The following AP1B1 variants were observed in gnomAD, a reference collection of about 807,000 sequenced individuals.
AP1B1 encodes adaptor related protein complex 1 subunit beta 1.
Under a neutral mutation model 104.3 loss-of-function variants are expected in AP1B1, and 36 were observed. That is an observed-to-expected ratio of 0.35 (90% CI 0.26 to 0.46). The LOEUF (loss-of-function observed/expected upper bound fraction) is 0.46, where lower values mean the gene tolerates loss of function less well. Among genes scored for constraint, AP1B1 ranks in the 20% least tolerant of loss-of-function variants. The pLI is 1.00. For synonymous variants in AP1B1, 504 were observed against 517.5 expected (o/e 0.97, Z 0.35); for missense variants, 901 against 1,247.9 (o/e 0.72, Z 4.19).
chr22:29,360,272 T>G (rs575734985), intron 3 of AP1B1, among the ~76,000 whole-genome samples: 25 of 152,210 alleles, frequency 1.6e-4, no homozygotes, highest in Admixed American at 5.9e-4. Flanking sequence ...GAAATTCCTT[T>G]GTCACCTGCC....
Position 29,351,190 on chromosome 22 carries a change from C to A in AP1B1, c.1136G>T (p.Arg379Leu). The stretch of plus-strand genomic sequence containing the variant: ...CCTCACCTCCACCTTGATGGCGCAG[C>A]GGCCAATAGCACGCACAGCCTTCCG... ...FVRKAVRAIG[R>L]CAIKVEQSAE... Residue 379 changes from arginine (R) to leucine (L), a missense_variant, in exon 9 of 23, where the codon CGC (arginine) becomes CTC (leucine). Coordinates refer to ENST00000357586, the MANE Select transcript of AP1B1 (RefSeq NM_001127.4). The A allele has an allele frequency of 6.2e-7, 1 of 1,612,584 alleles. No individual in the cohort carries two copies. The highest frequency in any genetic ancestry group is 8.5e-7 in the Non-Finnish European group (1 of 1,178,790).
intron 19 of AP1B1, 152 bp downstream of exon 19, chr22:29,331,297 C>T (rs927849003): frequency 1.4e-5 from 11 of 809,776 alleles, no homozygotes; most frequent in Admixed American, 9.6e-5. Flanking sequence ...TGGGTATACC[C>T]CTCACTCCAG....
intron 11 of AP1B1, among the ~76,000 whole-genome samples, chr22:29,342,978 C>T (rs2061736876): frequency 6.6e-6 from 1 of 152,224 alleles, no homozygotes; most frequent in East Asian, 1.9e-4. Context: ...CATGCTTCTG[C>T]AGCCTCTTCC....
chr22:29,344,909 T>C (rs1191037624), intron 11 of AP1B1, among the ~76,000 whole-genome samples: 1 of 152,098 alleles, frequency 6.6e-6, no homozygotes, highest in East Asian at 1.9e-4. Flanking sequence ...AGTTCCATAA[T>C]TGTCAAGCCC....
At chr22:29,332,497 G>A (rs1404654335) in intron 17 of AP1B1, among the ~76,000 whole-genome samples, 1 of 152,208 alleles carries the variant, frequency 6.6e-6, no homozygotes, top group Non-Finnish European at 1.5e-5. Flanking sequence ...TGTGAGACAC[G>A]CCAGCAGCAG....
intron 14 of AP1B1, among the ~76,000 whole-genome samples, chr22:29,340,399 G>C (rs1354211339): frequency 4.6e-5 from 7 of 152,152 alleles, no homozygotes; most frequent in Middle Eastern, 3.2e-3. Context: ...CCTGGGACTC[G>C]AAGGTTCAAC....
Position 29,340,745 on chromosome 22 carries a change from G to A in AP1B1, c.1909C>T (p.Leu637Phe). The change falls in exon 14 of 23, where the codon CTC (leucine) becomes TTC (phenylalanine). Residue 637 changes from leucine to phenylalanine, a missense_variant. Leu to Phe is a conservative substitution (Grantham distance 22). This residue lies in a region of AP1B1 where 424 missense variants were observed against 494.0 expected (regional missense o/e 0.86). Transcript: ENST00000357586. ...GGTGGGCCGCTCACTGGGGGGCCGAGGTCCAGGTTGAGGAGGTCACCCAGC... is the reference window on the plus strand; with the variant it reads ...GGTGGGCCGCTCACTGGGGGGCCGAAGTCCAGGTTGAGGAGGTCACCCAGC... Reference protein sequence around the residue: ...DLLGDLLNLDLGPPVSGPPLA... With the variant: ...DLLGDLLNLDFGPPVSGPPLA... 6.3e-7 allele frequency: 1 copy of A among 1,597,060 alleles called. No individual in the cohort carries two copies. The highest frequency in any genetic ancestry group is 8.5e-7 in the Non-Finnish European group (1 of 1,172,940).
At chr22:29,374,532 A>C (rs2062301994) in intron 1 of AP1B1, among the ~76,000 whole-genome samples, 1 of 150,376 alleles carries the variant, frequency 6.6e-6, no homozygotes, top group South Asian at 2.1e-4. Flanking sequence ...TAATGGTTCA[A>C]GCTTATTTCT....
rs1395999484 is a variant in AP1B1, at chr22:29,329,066, G to A, written c.2776-171C>T. ...AGGTAAAGCGGAGGGGGCGGCTGTC[G>A]CAGCCAGCCGGGTGTGGACCAAATA... On this transcript the variant is annotated intron_variant, in intron 22 of 22. Coordinates refer to ENST00000357586, the MANE Select transcript of AP1B1 (RefSeq NM_001127.4). 4.9e-6 allele frequency: 7 copies of A among 1,422,108 alleles called. No homozygotes were observed. The African/African-American group carries it at 5.8e-5, about 12-fold the overall frequency. 88.1% of individuals were successfully genotyped at this position (1,422,108 alleles called of 1,614,324 possible). A position where few individuals can be genotyped will look rare whatever the true frequency, so the allele number is the denominator to read the frequency against.
chr22:29,373,852 A>C (rs929962332), intron 1 of AP1B1, among the ~76,000 whole-genome samples: 5 of 150,754 alleles, frequency 3.3e-5, no homozygotes, highest in African/African-American at 1.2e-4. Flanking sequence ...CAGCAAGCTG[A>C]GGTGGCACCA....
Position 29,339,859 on chromosome 22 carries a change from A to G in AP1B1, c.1999-85T>C. ...AGGAAGGAAGACAGAGAAACAAGAG[A>G]GAGAAGGGAAAGAGGGAGATTAGTC... On this transcript the variant is annotated intron_variant, in intron 14 of 22. Coordinates refer to ENST00000357586, the MANE Select transcript of AP1B1 (RefSeq NM_001127.4). 3 of 1,425,212 alleles carry G rather than the reference A, an allele frequency of 2.1e-6. No individual in the cohort carries two copies. The South Asian group carries it at 3.7e-5, about 17-fold the overall frequency. 88.3% of individuals were successfully genotyped at this position (1,425,212 alleles called of 1,614,324 possible).
At chr22:29,329,513 C>G (rs2061525084) in intron 22 of AP1B1, 199 bp downstream of exon 22, 1 of 1,416,924 alleles carries the variant, frequency 7.1e-7, no homozygotes, top group African/African-American at 1.5e-5. Flanking sequence ...CTCCAGGTCT[C>G]CTAGGAAGGA....
intron 4 of AP1B1, 80 bp downstream of exon 4, chr22:29,359,744 A>G: frequency 6.5e-7 from 1 of 1,527,596 alleles, no homozygotes; most frequent in Non-Finnish European, 8.8e-7. Flanking sequence ...CCAGTGCCAC[A>G]GGGCCCCGCC....
intron 9 of AP1B1, among the ~76,000 whole-genome samples, chr22:29,350,774 C>T (rs575263434): frequency 1.3e-5 from 2 of 152,262 alleles, no homozygotes; most frequent in East Asian, 3.9e-4. Context: ...TCTAGAGTGG[C>T]CCTGGGACGC....
chr22:29,358,612 C>T (rs2148000878), intron 5 of AP1B1, 114 bp downstream of exon 5: 3 of 1,408,594 alleles, frequency 2.1e-6, no homozygotes, highest in Non-Finnish European at 2.9e-6. Flanking sequence ...CTGGCACCCC[C>T]AGCCAGGCTC....
At chr22:29,332,158 G>C in intron 17 of AP1B1, 2 of 439,318 alleles carry the variant, frequency 4.6e-6, no homozygotes, top group Non-Finnish European at 8.1e-6. Flanking sequence ...CCTGGCTGCA[G>C]GCCTGAAGCC....
chr22:29,368,460 G>C (rs1032692137), intron 1 of AP1B1, among the ~76,000 whole-genome samples: 24 of 152,178 alleles, frequency 1.6e-4, no homozygotes, highest in Admixed American at 1.5e-3. Flanking sequence ...AGATACCCTA[G>C]ATACATTTAT....
chr22:29,350,103 G>C lies in AP1B1; in HGVS notation c.1203C>G (p.Thr401=). The change falls in exon 10 of 23, where the codon ACC becomes ACG. Residue 401 remains threonine (T), a synonymous_variant. Transcript: ENST00000357586. ...CCTCCTGGACCACATAGTTGACCTT[G>C]GTCTGGATGAGGTCGAGCAGCGTGC... ...CVSTLLDLIQ[T]KVNYVVQEAI... is the part of the protein sequence containing the mutation. The C allele has an allele frequency of 1.2e-6, 2 of 1,614,208 alleles. No individual in the cohort carries two copies. The highest frequency in any genetic ancestry group is 1.7e-6 in the Non-Finnish European group (2 of 1,180,028).
chr22:29,356,213 G>A (rs1235086313), intron 6 of AP1B1, among the ~76,000 whole-genome samples: 8 of 152,226 alleles, frequency 5.3e-5, no homozygotes, highest in African/African-American at 7.2e-5. Context: ...CAGGCCATGC[G>A]TATGCCCATA....
Sources: gnomAD v4.1 joint callset for allele counts (sites outside exome capture counted in the v4.1 genomes callset) on GRCh38, gnomAD v4.1.1 for gene constraint, gnomAD v4.1.1 regional missense constraint, MANE v1.5 for transcripts, NCBI Gene and HGNC (gene_info 2026-07-23, HGNC 2026-07-21) for gene names.